The following AK7 variants were observed in gnomAD, a reference collection of about 807,000 sequenced individuals.
AK7 encodes the protein adenylate kinase 7.
In AK7, 78 loss-of-function variants were observed where a neutral mutation model predicts 96.6. The ratio of observed to expected loss-of-function variants is 0.81; its 90% CI spans 0.67 to 0.97. The LOEUF (loss-of-function observed/expected upper bound fraction) is 0.97. Ranked by LOEUF, AK7 falls within the 50% of genes least tolerant of loss-of-function variation. AK7 has a pLI of 0.00. For missense variants in AK7, 855 were observed against 887.9 expected (o/e 0.96, Z 0.47); for synonymous variants, 302 against 317.2 (o/e 0.95, Z 0.51).
chr14:96,450,351 G>A (rs1315196958), intron 9 of AK7, among the ~76,000 whole-genome samples: 3 of 151,514 alleles, frequency 2.0e-5, no homozygotes, highest in African/African-American at 7.3e-5. Flanking sequence ...GGGAGGCAGA[G>A]GTTGCAGTCA....
chr14:96,482,916 A>T lies in AK7; in HGVS notation c.1754-83A>T, dbSNP rs1895576000. The T allele has an allele frequency of 3.0e-6, 4 of 1,342,856 alleles. No homozygotes were observed. The Admixed American group carries it at 5.7e-5, about 19-fold the overall frequency. The allele number at this position is 1,342,856 out of a possible 1,614,324, so 83.2% of individuals were successfully genotyped here. On this transcript the variant is annotated intron_variant, in intron 15 of 17. Transcript: ENST00000267584. ...GTAATTTACATAATTGACTATCGCAAGTTTATAGTAATAAAGAATTTTCCC... is the reference window on the plus strand; with the variant it reads ...GTAATTTACATAATTGACTATCGCATGTTTATAGTAATAAAGAATTTTCCC...
intron 5 of AK7, among the ~76,000 whole-genome samples, chr14:96,429,321 A>G (rs1002981025): frequency 1.3e-5 from 2 of 152,204 alleles, no homozygotes; most frequent in African/African-American, 4.8e-5. Context: ...ATTGGTCTAT[A>G]TATCTGTTTT....
chr14:96,476,163 T>C (rs1028197729), intron 14 of AK7, among the ~76,000 whole-genome samples: 16 of 152,182 alleles, frequency 1.1e-4, no homozygotes, highest in African/African-American at 3.6e-4. Flanking sequence ...TTGAAGGAGA[T>C]AAGTTTAAAG....
At chr14:96,450,768 CT>C (rs937558741) in intron 9 of AK7, among the ~76,000 whole-genome samples, 4,580 of 93,360 alleles carry the variant, frequency 0.049, 56 homozygotes, top group African/African-American at 0.14. Flanking sequence ...ATATTTTTCT[CT>C]TTTTTTTTTT....
rs536334966 is a variant in AK7 at position 96,471,396 on chromosome 14, A to ATTTTTGAGATAAC, written c.1358-78_1358-66dup. 89 of 852,168 alleles carry ATTTTTGAGATAAC rather than the reference A, an allele frequency of 1.0e-4. No individual in the cohort carries two copies. The African/African-American group carries it at 1.5e-3, about 14-fold the overall frequency. The allele number at this position is 852,168 out of a possible 1,614,324, so 52.8% of individuals were successfully genotyped here. A position where few individuals can be genotyped will look rare whatever the true frequency, so the allele number is the denominator to read the frequency against. ...CAATAGTACCTTTGACTACACAACA[A>ATTTTTGAGATAAC]TTTTTGAGATAACTTTAAAACAACT... On this transcript the variant is annotated intron_variant, in intron 12 of 17. Transcript: ENST00000267584.
intron 6 of AK7, among the ~76,000 whole-genome samples, chr14:96,442,480 G>C (rs569274238): frequency 6.6e-6 from 1 of 152,102 alleles, no homozygotes; most frequent in East Asian, 1.9e-4. Context: ...GGCAGAATTT[G>C]ATTCAGTCCC....
chr14:96,430,176 C>A (rs1011308829), intron 5 of AK7, among the ~76,000 whole-genome samples: 21 of 139,908 alleles, frequency 1.5e-4, no homozygotes, highest in Admixed American at 4.0e-4. Flanking sequence ...GCAAGAAGGG[C>A]TGTTGAATTT....
chr14:96,419,932 G>A (rs1442245849), intron 4 of AK7, among the ~76,000 whole-genome samples: 2 of 151,370 alleles, frequency 1.3e-5, no homozygotes, highest in Admixed American at 1.3e-4. Flanking sequence ...GGGATTACAG[G>A]TGCCTGCCAC....
chr14:96,449,112 A>T (rs969945109), intron 8 of AK7, among the ~76,000 whole-genome samples: 9 of 152,216 alleles, frequency 5.9e-5, no homozygotes, highest in Middle Eastern at 3.4e-3. Flanking sequence ...ATAAGACACT[A>T]ATCTCATTCT....
rs775301726 is a variant in AK7 at position 96,486,889 on chromosome 14, C to T, written c.1975-9C>T. On this transcript the variant is annotated splice_polypyrimidine_tract_variant and intron_variant, in intron 16 of 17. Transcript: ENST00000267584. ...CACATTTACTTTACCACCAAATATT[C>T]TATTTTAGAATAAACGACTGGAGGA... 17 of 1,586,908 alleles carry T rather than the reference C, an allele frequency of 1.1e-5. No individual in the cohort carries two copies. In the South Asian group the frequency reaches 1.8e-4, roughly 17 times the overall value.
chr14:96,419,784 C>CTTTTTTTTTTTTTTTTTT (rs11449244), intron 4 of AK7, among the ~76,000 whole-genome samples: 2 of 101,714 alleles, frequency 2.0e-5, no homozygotes. Flanking sequence ...TTTTTTCTTT[C>CTTTTTTTTTTTTTTTTTT]TTTTCTTTTT....
chr14:96,472,805 G>T (rs1031978738), intron 14 of AK7, 50 bp downstream of exon 14: 1 of 1,513,826 alleles, frequency 6.6e-7, no homozygotes, highest in African/African-American at 1.4e-5. Flanking sequence ...CTCTGGGCTG[G>T]GCGTGGTGGC....
intron 5 of AK7, among the ~76,000 whole-genome samples, chr14:96,433,460 A>G (rs1028612894): frequency 6.6e-6 from 1 of 152,118 alleles, no homozygotes; most frequent in African/African-American, 2.4e-5. Context: ...ACTTGATCAA[A>G]TCAGCTACTG....
Position 96,458,118 on chromosome 14 carries a change from A to G in AK7, c.1263A>G (p.Gly421=). ...AIVAPNDVGE[G]EEEVEEEEEE... The stretch of plus-strand genomic sequence containing the variant: ...TTGCCCCTAACGATGTAGGGGAAGG[A>G]GAAGAAGAAGTCGAAGAGGAAGAGG... The change falls in exon 12 of 18, where the codon GGA becomes GGG. Residue 421 remains glycine (G), a synonymous_variant. Coordinates refer to ENST00000267584, the MANE Select transcript of AK7 (RefSeq NM_152327.5). 6.2e-7 allele frequency: 1 copy of G among 1,613,758 alleles called. No individual in the cohort carries two copies. Among genetic ancestry groups the G allele is most frequent in the Non-Finnish European group, 8.5e-7 (1 of 1,179,836 alleles).
At chr14:96,460,901 TCTC>T (rs1184778636) in intron 12 of AK7, among the ~76,000 whole-genome samples, 29 of 152,192 alleles carry the variant, frequency 1.9e-4, no homozygotes, top group Non-Finnish European at 4.1e-4. Context: ...CCTGAACCTC[TCTC>T]CTCCTCCCCT....
At chr14:96,458,289 G>T in intron 12 of AK7, 77 bp downstream of exon 12, 2 of 1,522,384 alleles carry the variant, frequency 1.3e-6, no homozygotes, top group East Asian at 2.3e-5. Flanking sequence ...ATAAAAGACT[G>T]TTTAAAAAAA....
chr14:96,418,337 A>AAAAAAAAAAAAAAAAT (rs1891472152), intron 4 of AK7, among the ~76,000 whole-genome samples: 1 of 146,840 alleles, frequency 6.8e-6, no homozygotes, highest in Non-Finnish European at 1.5e-5. Flanking sequence ...AAAAAAAAAA[A>AAAAAAAAAAAAAAAAT]GGCTTCAAAT....
At chr14:96,427,625 G>A (rs1171870926) in intron 5 of AK7, among the ~76,000 whole-genome samples, 2 of 152,150 alleles carry the variant, frequency 1.3e-5, no homozygotes, top group Non-Finnish European at 2.9e-5. Flanking sequence ...ATACTGTTCT[G>A]TAACCTTCTT....
intron 7 of AK7, among the ~76,000 whole-genome samples, chr14:96,444,567 G>T (rs949135090): frequency 9.2e-5 from 14 of 152,094 alleles, no homozygotes; most frequent in African/African-American, 2.9e-4. Flanking sequence ...CTGACCTTTC[G>T]AGAAAGCCAA....
Sources: gnomAD v4.1 joint callset for allele counts (sites outside exome capture counted in the v4.1 genomes callset) on GRCh38, gnomAD v4.1.1 for gene constraint, MANE v1.5 for transcripts, NCBI Gene and HGNC (gene_info 2026-07-23, HGNC 2026-07-21) for gene names.